The following NINJ2 variants were observed in gnomAD, a reference collection of about 807,000 sequenced individuals.
The protein encoded by NINJ2 is ninjurin-2.
NINJ2 carries 12 observed loss-of-function variants against 11.7 expected under a neutral mutation model. That is an observed-to-expected ratio of 1.02 (90% CI 0.66 to 1.66). The LOEUF (loss-of-function observed/expected upper bound fraction) is 1.66, where lower values mean the gene tolerates loss of function less well. NINJ2 is among the 40% of genes most tolerant of loss of function. NINJ2 has a pLI of 0.00. For missense variants in NINJ2, 187 were observed against 181.8 expected, an observed-to-expected ratio of 1.03 and a Z score of -0.16; for synonymous variants, 93 against 76.8, an observed-to-expected ratio of 1.21 and a Z score of -1.10.
intron 1 of NINJ2, among the ~76,000 whole-genome samples, chr12:570,174 G>A (rs1371200754): frequency 1.3e-5 from 2 of 152,250 alleles, no homozygotes; most frequent in South Asian, 2.1e-4. Flanking sequence ...GGACCCAGAA[G>A]GGAGGGGCCT....
At chr12:653,777 T>G (rs1367186783) in intron 1 of NINJ2, among the ~76,000 whole-genome samples, 1 of 152,100 alleles carries the variant, frequency 6.6e-6, no homozygotes, top group Non-Finnish European at 1.5e-5. Flanking sequence ...TAGATCCAAC[T>G]ATATCAGTAA....
chr12:605,234 G>A (rs1031539422), intron 1 of NINJ2, among the ~76,000 whole-genome samples: 3 of 152,196 alleles, frequency 2.0e-5, no homozygotes, highest in South Asian at 2.1e-4. Context: ...TGGCAGGCTC[G>A]GCTGTGCATC....
At chr12:635,248 G>A (rs1469589137) in intron 1 of NINJ2, among the ~76,000 whole-genome samples, 8 of 151,986 alleles carry the variant, frequency 5.3e-5, no homozygotes, top group African/African-American at 1.2e-4. Context: ...ACAGGGTTTC[G>A]CCATGTTGGC....
At chr12:641,826 C>T (rs55779635) in intron 1 of NINJ2, among the ~76,000 whole-genome samples, 21,635 of 139,474 alleles carry the variant, frequency 0.16, 1,945 homozygotes, top group South Asian at 0.27. Flanking sequence ...GCCTGGGCGA[C>T]AGAGCGAGAC....
intron 1 of NINJ2, among the ~76,000 whole-genome samples, chr12:624,874 C>T (rs573858182): frequency 6.6e-5 from 10 of 150,788 alleles, no homozygotes; most frequent in African/African-American, 1.9e-4. Context: ...TTTGGGAGGC[C>T]GAGGTGGGTG....
intron 1 of NINJ2, among the ~76,000 whole-genome samples, chr12:652,316 T>C (rs900404302): frequency 7.2e-5 from 11 of 152,244 alleles, no homozygotes; most frequent in African/African-American, 2.7e-4. Context: ...ATTCTCTATC[T>C]TGCAAAATTA....
In NINJ2 at chr12:658,720, GCTATGCTA is replaced by G. The variant is rs1478598966; in HGVS notation, c.33+4600_33+4607del. Among the ~76,000 whole-genome samples, 7 of 141,100 alleles carry G rather than the reference GCTATGCTA, an allele frequency of 5.0e-5. No individual in the cohort carries two copies. In the East Asian group the frequency reaches 1.4e-3, roughly 28 times the overall value. The allele number at this position is 141,100 out of a possible 152,430, so 92.6% of individuals were successfully genotyped here. On this transcript the variant is annotated intron_variant, in intron 1 of 3. Transcript: ENST00000305108. ...GCTATGCTATGCTATGCTATGCTAT[GCTATGCTA>G]ATGCTATGCTATGCTATACTATACT...
At chr12:639,073 T>C (rs1565645147) in intron 1 of NINJ2, among the ~76,000 whole-genome samples, 2 of 152,126 alleles carry the variant, frequency 1.3e-5, no homozygotes. Flanking sequence ...ACCCTCTATG[T>C]AGAAGGAAGT....
chr12:616,817 T>C (rs1948096627), intron 1 of NINJ2, among the ~76,000 whole-genome samples: 1 of 152,180 alleles, frequency 6.6e-6, no homozygotes, highest in South Asian at 2.1e-4. Context: ...GAGACAAGAA[T>C]CCCTAGTTGA....
chr12:656,617 C>T lies in NINJ2; in HGVS notation c.33+6711G>A, dbSNP rs145261988. 8.3e-3 allele frequency among the ~76,000 whole-genome samples: 1,256 copies of T among 150,736 alleles called. 20 individuals are homozygous for T. The highest frequency in any genetic ancestry group is 0.028 in the African/African-American group (1,169 of 41,066). The stretch of plus-strand genomic sequence containing the variant: ...TACAAAAATTAGCCAGATGTGGTGG[C>T]GGGCCCCTGTAATCCCAGCTACTCG... On this transcript the variant is annotated intron_variant, in intron 1 of 3. Coordinates refer to ENST00000305108, the MANE Select transcript of NINJ2 (RefSeq NM_016533.6).
intron 1 of NINJ2, among the ~76,000 whole-genome samples, chr12:600,289 T>C (rs1947849442): frequency 6.6e-6 from 1 of 152,122 alleles, no homozygotes; most frequent in South Asian, 2.1e-4. Context: ...TGCGGTGGCT[T>C]AGGCCTGTAA....
chr12:573,430 G>C (rs1471401187), intron 1 of NINJ2, among the ~76,000 whole-genome samples: 1 of 152,008 alleles, frequency 6.6e-6, no homozygotes, highest in African/African-American at 2.4e-5. Context: ...GTGCAGTCTG[G>C]CTGGGTGTGG....
At chr12:660,485 C>A (rs977471122) in intron 1 of NINJ2, among the ~76,000 whole-genome samples, 1 of 151,538 alleles carries the variant, frequency 6.6e-6, no homozygotes, top group African/African-American at 2.4e-5. Context: ...GGACTACAGG[C>A]GTACACCACC....
chr12:574,858 T>G (rs1239209867), intron 1 of NINJ2, among the ~76,000 whole-genome samples: 2 of 152,258 alleles, frequency 1.3e-5, no homozygotes, highest in Non-Finnish European at 2.9e-5. Flanking sequence ...TAGCTGGTCC[T>G]CCTCTGAAGT....
At chr12:604,799 T>C (rs1947919150) in intron 1 of NINJ2, among the ~76,000 whole-genome samples, 1 of 152,204 alleles carries the variant, frequency 6.6e-6, no homozygotes, top group South Asian at 2.1e-4. Context: ...AAAGTCTACT[T>C]ACAGAGCAGT....
chr12:601,390 C>CA (rs1041287823), intron 1 of NINJ2, among the ~76,000 whole-genome samples: 16 of 150,422 alleles, frequency 1.1e-4, no homozygotes, highest in Non-Finnish European at 1.9e-4. Flanking sequence ...ACTAAAAATA[C>CA]AAAAAAAATT....
intron 1 of NINJ2, among the ~76,000 whole-genome samples, chr12:634,075 C>T (rs1948314487): frequency 6.6e-6 from 1 of 151,930 alleles, no homozygotes; most frequent in Non-Finnish European, 1.5e-5. Context: ...ACCAAAAGAC[C>T]CTACCTTAGG....
chr12:601,317 C>A lies in NINJ2; in HGVS notation c.34-35139G>T, dbSNP rs544626016. Among the ~76,000 whole-genome samples the A allele has an allele frequency of 1.2e-3, 188 of 151,992 alleles. 3 individuals carry two copies. Among genetic ancestry groups the A allele is most frequent in the African/African-American group, 1.4e-3 (60 of 41,502 alleles). On this transcript the variant is annotated intron_variant, in intron 1 of 3. Transcript: ENST00000305108. ...ATCCCAGCACTTTGGGAGGCTGAGG[C>A]GGGCGGATCAGGAAGTCAGGAGATC...
At chr12:655,099 A>G (rs1018879775) in intron 1 of NINJ2, among the ~76,000 whole-genome samples, 2 of 152,186 alleles carry the variant, frequency 1.3e-5, no homozygotes, top group Admixed American at 1.3e-4. Flanking sequence ...CAAAAAGCCT[A>G]TAACTAACAT....
Sources: allele counts gnomAD v4.1 joint callset (sites outside exome capture counted in the v4.1 genomes callset), GRCh38; gene constraint gnomAD v4.1.1; transcripts MANE v1.5; gene names NCBI Gene and HGNC (gene_info 2026-07-23, HGNC 2026-07-21).